ADIG: variants seen among roughly 807,000 people sequenced by gnomAD.
ADIG encodes the protein adipogenesis associated.
A neutral mutation model predicts 10.7 loss-of-function variants in ADIG; 12 were observed. The ratio of observed to expected loss-of-function variants is 1.12; its 90% CI spans 0.72 to 1.82. The LOEUF is 1.82. ADIG is among the 40% of genes most tolerant of loss of function. The pLI, the probability that ADIG is intolerant of heterozygous loss-of-function variation, is 0.00. For synonymous variants in ADIG, 32 were observed against 35.6 expected (o/e 0.90, Z 0.36); for missense variants, 72 against 92.5 (o/e 0.78, Z 0.91).
intron 2 of ADIG, among the ~76,000 whole-genome samples, chr20:38,587,688 GCCCTT>G (rs34081661): frequency 0.78 from 116,738 of 149,402 alleles, 45,815 homozygotes; most frequent in East Asian, 0.93. Context: ...TTTATGCATA[GCCCTT>G]CCCTTCCCAC....
chr20:38,584,531 C>T (rs1256774769), intron 1 of ADIG, among the ~76,000 whole-genome samples: 1 of 152,190 alleles, frequency 6.6e-6, no homozygotes, highest in African/African-American at 2.4e-5. Context: ...TCCTCTGAGT[C>T]CAAACACACC....
intron 1 of ADIG, among the ~76,000 whole-genome samples, chr20:38,581,591 C>A (rs1353497822): frequency 6.6e-6 from 1 of 152,080 alleles, no homozygotes; most frequent in Non-Finnish European, 1.5e-5. Flanking sequence ...AGAGTTTGAA[C>A]CTAGAGTTCG....
At position 38,586,102 on chromosome 20, in the gene ADIG, G is replaced by A. The variant is rs770641469; in HGVS notation, c.198G>A (p.Trp66Ter). 1.9e-6 allele frequency: 3 copies of A among 1,607,948 alleles called. No homozygotes were observed. Among genetic ancestry groups the A allele is most frequent in the South Asian group, 1.1e-5 (1 of 89,278 alleles). ...GCAAAGGCCCAGCTGAGTTTTGCTG[G>A]AAGGGGACACTCCACGGCCAAGAGA... Reference protein sequence around the residue: ...PWSKGPAEFCWKGTLHGQEKE... With the variant: ...PWSKGPAEFC The change falls in exon 2 of 3, where the codon TGG becomes TGA. Residue 66 changes from tryptophan (W) to a stop codon, truncating the protein, a stop_gained. Transcript: ENST00000537425. LOFTEE classifies it high-confidence loss of function.
rs1444821325 is a variant in ADIG at position 38,586,378 on chromosome 20, C to T, written c.*14+217C>T. ...GGCCAGCCCCCTGTGCCACAAGGAG[C>T]CTTTACAAAGGTCCCCTACCCTTTA... is the stretch of plus-strand genomic sequence containing the variant. On this transcript the variant is annotated intron_variant, in intron 2 of 2. Coordinates refer to ENST00000537425, the MANE Select transcript of ADIG (RefSeq NM_001393816.1). 2.1e-5 allele frequency: 11 copies of T among 523,368 alleles called. No individual in the cohort carries two copies. The Admixed American group carries it at 3.6e-4, about 17-fold the overall frequency. The allele number at this position is 523,368 out of a possible 1,614,324, so 32.4% of individuals were successfully genotyped here.
At chr20:38,585,946 G>T in intron 1 of ADIG, 83 bp from the exon 2 acceptor site, 1 of 1,370,178 alleles carries the variant, frequency 7.3e-7, no homozygotes. Flanking sequence ...GGGATACCCA[G>T]GCCTGGCAGG....
intron 2 of ADIG, among the ~76,000 whole-genome samples, chr20:38,587,244 C>T (rs886381174): frequency 3.9e-5 from 6 of 152,330 alleles, no homozygotes; most frequent in Middle Eastern, 3.4e-3. Context: ...CCATCTCTCA[C>T]GTGTCCGCCT....
At chr20:38,587,577 A>G (rs1016138475) in intron 2 of ADIG, among the ~76,000 whole-genome samples, 1 of 152,070 alleles carries the variant, frequency 6.6e-6, no homozygotes, top group Non-Finnish European at 1.5e-5. Flanking sequence ...CCCACGTGTT[A>G]ATTTGCTATT....
rs141701881 is a variant in ADIG at position 38,582,949 on chromosome 20, C to T, written c.124+1575C>T. Among the ~76,000 whole-genome samples, 402 of 152,224 alleles carry T rather than the reference C, an allele frequency of 2.6e-3. 1 individual carries two copies. The highest frequency in any genetic ancestry group is 9.2e-3 in the African/African-American group (383 of 41,522). On this transcript the variant is annotated intron_variant, in intron 1 of 2. Coordinates refer to ENST00000537425, the MANE Select transcript of ADIG (RefSeq NM_001393816.1). ...TCTCCTGCCTCAGCCTCCCAAGTAG[C>T]GGGGATTACAGGTGCCCGCCATCAC...
At chr20:38,581,520 A>G in intron 1 of ADIG, 146 bp downstream of exon 1, 14 of 1,256,058 alleles carry the variant, frequency 1.1e-5, no homozygotes, top group Non-Finnish European at 1.4e-5. Context: ...TCAACTCTTA[A>G]GTGGAAAGGA....
intron 1 of ADIG, chr20:38,585,414 TTTGC>T: frequency 1.3e-6 from 2 of 1,549,330 alleles, no homozygotes; most frequent in Non-Finnish European, 1.7e-6. Context: ...TTCTTTTTAA[TTTGC>T]TTATAATATA....
rs755307735 is a variant in ADIG at position 38,588,353 on chromosome 20, A to G, written c.*267A>G. ...GCAGTGAGCAGGCCCATGGGGAGAA[A>G]TTGGCCAATTTAATTCAGAGGGGTC... On this transcript the variant is annotated 3_prime_UTR_variant, in exon 3 of 3. Coordinates refer to ENST00000537425, the MANE Select transcript of ADIG (RefSeq NM_001393816.1). 1 of 1,300,108 alleles carries G rather than the reference A, an allele frequency of 7.7e-7. No individual in the cohort carries two copies. The highest frequency in any genetic ancestry group is 1.0e-6 in the Non-Finnish European group (1 of 986,828). 80.5% of individuals were successfully genotyped at this position (1,300,108 alleles called of 1,614,324 possible).
intron 1 of ADIG, among the ~76,000 whole-genome samples, chr20:38,581,631 T>C (rs2088592580): frequency 7.2e-6 from 1 of 137,958 alleles, no homozygotes; most frequent in African/African-American, 3.1e-5. Context: ...GAACCTAGAG[T>C]TTGAGAGTGA....
intron 1 of ADIG, chr20:38,585,813 C>T (rs1163209729): frequency 1.6e-6 from 1 of 612,666 alleles, no homozygotes; most frequent in African/African-American, 1.9e-5. Context: ...GGCCATTTTC[C>T]AAGTCACAGG....
Position 38,581,326 on chromosome 20 carries a change from G to A in ADIG, c.76G>A (p.Gly26Ser). Reference protein sequence around the residue: ...FLVFWFCLPVGLLLLLIIWLR... With the variant: ...FLVFWFCLPVSLLLLLIIWLR... ...GGTTTTCTGGTTCTGCCTCCCTGTGGGTTTGCTGTTGTTATTGATCATCTG... is the reference window on the plus strand; with the variant it reads ...GGTTTTCTGGTTCTGCCTCCCTGTGAGTTTGCTGTTGTTATTGATCATCTG... Residue 26 changes from glycine to serine, a missense_variant, in exon 1 of 3, where the codon GGT becomes AGT. By Grantham distance (56) the Gly-to-Ser change is moderately conservative. Coordinates refer to ENST00000537425, the MANE Select transcript of ADIG (RefSeq NM_001393816.1). 1.2e-6 allele frequency: 2 copies of A among 1,613,970 alleles called. No individual in the cohort carries two copies. Among genetic ancestry groups the A allele is most frequent in the African/African-American group, 1.3e-5 (1 of 75,044 alleles).
Position 38,582,811 on chromosome 20 carries a change from CT to C in ADIG, c.124+1447del, listed in dbSNP as rs556583627. Among the ~76,000 whole-genome samples the C allele has an allele frequency of 6.7e-3, 999 of 148,898 alleles. 3 individuals carry two copies. Among genetic ancestry groups the C allele is most frequent in the Non-Finnish European group, 0.011 (733 of 66,894 alleles). ...GGAAGATATGAGTTCAGATATCATC[CT>C]TTTTTTTTTATTTTTATTTTTTGAA... is the stretch of plus-strand genomic sequence containing the variant. On this transcript the variant is annotated intron_variant, in intron 1 of 2. Transcript: ENST00000537425.
rs1473608130 is a variant in ADIG at position 38,586,103 on chromosome 20, A to G, written c.199A>G (p.Lys67Glu). Residue 67 changes from lysine to glutamate, a missense_variant, in exon 2 of 3, where the codon AAG becomes GAG. Lys to Glu is a moderately conservative substitution (Grantham distance 56). Transcript: ENST00000537425. ...CAAAGGCCCAGCTGAGTTTTGCTGG[A>G]AGGGGACACTCCACGGCCAAGAGAA... ...WSKGPAEFCW[K>E]GTLHGQEKER... The G allele has an allele frequency of 1.2e-6, 2 of 1,607,898 alleles. No individual in the cohort carries two copies. The highest frequency in any genetic ancestry group is 3.4e-5 in the Admixed American group (2 of 59,226).
chr20:38,588,092 T>C lies in ADIG; in HGVS notation c.*15-9T>C. 7.7e-7 allele frequency: 1 copy of C among 1,293,864 alleles called. No homozygotes were observed. Among genetic ancestry groups the C allele is most frequent in the Admixed American group, 2.4e-5 (1 of 42,246 alleles). 80.1% of individuals were successfully genotyped at this position (1,293,864 alleles called of 1,614,324 possible). ...GCATCCCTAGTCCCAACCTTCCTTT[T>C]GTTTCTAGTTTGGTTTTCCTGGAGT... On this transcript the variant is annotated splice_polypyrimidine_tract_variant and intron_variant, in intron 2 of 2. Transcript: ENST00000537425.
Position 38,581,203 on chromosome 20 carries a change from G to A in ADIG, c.-48G>A, listed in dbSNP as rs1913596461. On this transcript the variant is annotated 5_prime_UTR_variant, in exon 1 of 3. Coordinates refer to ENST00000537425, the MANE Select transcript of ADIG (RefSeq NM_001393816.1). ...CCAGCCTGCCAGGTCCCATGGGGCAGCCCTGCCAGCCCAGCCCAGGCTGGC... is the reference window on the plus strand; with the variant it reads ...CCAGCCTGCCAGGTCCCATGGGGCAACCCTGCCAGCCCAGCCCAGGCTGGC... The A allele has an allele frequency of 1.3e-6, 2 of 1,568,348 alleles. No homozygotes were observed. The highest frequency in any genetic ancestry group is 3.8e-5 in the Admixed American group (2 of 52,546).
At chr20:38,583,113 C>T (rs746777073) in intron 1 of ADIG, among the ~76,000 whole-genome samples, 1 of 152,242 alleles carries the variant, frequency 6.6e-6, no homozygotes, top group African/African-American at 2.4e-5. Flanking sequence ...CCACCGCACC[C>T]AGCCTCATCC....
Sources: allele counts gnomAD v4.1 joint callset (sites outside exome capture counted in the v4.1 genomes callset), GRCh38; gene constraint gnomAD v4.1.1; transcripts MANE v1.5; gene names NCBI Gene and HGNC (gene_info 2026-07-23, HGNC 2026-07-21).